GRAMD1B: variants seen among roughly 807,000 people sequenced by gnomAD.
The protein encoded by GRAMD1B is protein Aster-B.
GRAMD1B carries 37 observed loss-of-function variants against 99.7 expected under a neutral mutation model. That is an observed-to-expected ratio of 0.37 (90% CI 0.29 to 0.49). GRAMD1B has a LOEUF of 0.49. Ranked by LOEUF, GRAMD1B falls within the 20% of genes least tolerant of loss-of-function variation. The pLI, the probability that GRAMD1B is intolerant of heterozygous loss-of-function variation, is 0.98. For missense variants in GRAMD1B, 888 were observed against 1,009.2 expected (o/e 0.88, Z 1.63); for synonymous variants, 427 against 387.6 (o/e 1.10, Z -1.19).
chr11:123,503,786 A>T (rs182372068), intron 2 of GRAMD1B, among the ~76,000 whole-genome samples: 16 of 152,268 alleles, frequency 1.1e-4, no homozygotes, highest in Admixed American at 3.9e-4. Flanking sequence ...ACCTCAGGTG[A>T]TCTGCCCTCC....
rs570800008 is a variant in GRAMD1B, at chr11:123,598,322, A to G, written c.970-2146A>G. 1.9e-5 allele frequency: 23 copies of G among 1,219,002 alleles called. No individual in the cohort carries two copies. In the East Asian group the frequency reaches 4.9e-4, roughly 26 times the overall value. The allele number at this position is 1,219,002 out of a possible 1,614,324, so 75.5% of individuals were successfully genotyped here. Reference sequence around the variant, plus strand: ...CAAGTGGCAGGTTTTTGGGGTTGTAAATGATCTCGTTCTCTTCATCTTCAC... The same window carrying G: ...CAAGTGGCAGGTTTTTGGGGTTGTAGATGATCTCGTTCTCTTCATCTTCAC... On this transcript the variant is annotated intron_variant, in intron 7 of 19. Coordinates refer to ENST00000635736, the MANE Select transcript of GRAMD1B (RefSeq NM_001387025.1).
intron 2 of GRAMD1B, among the ~76,000 whole-genome samples, chr11:123,533,301 T>C (rs1377494022): frequency 6.6e-6 from 1 of 152,104 alleles, no homozygotes; most frequent in African/African-American, 2.4e-5. Flanking sequence ...TATTCTTTGG[T>C]TTGTGTTTGC....
At chr11:123,619,009 C>A in intron 18 of GRAMD1B, 98 bp from the exon 19 acceptor site, 1 of 733,844 alleles carries the variant, frequency 1.4e-6, no homozygotes, top group Non-Finnish European at 2.3e-6. Flanking sequence ...GGACAAAGCA[C>A]TCTGATGTGA....
intron 2 of GRAMD1B, among the ~76,000 whole-genome samples, chr11:123,533,210 A>G (rs1565339284): frequency 1.3e-5 from 2 of 152,038 alleles, no homozygotes; most frequent in African/African-American, 4.8e-5. Context: ...AACTCAGGTG[A>G]TCTGCCCGCC....
At chr11:123,609,072 C>T (rs546800100) in intron 12 of GRAMD1B, among the ~76,000 whole-genome samples, 1 of 152,220 alleles carries the variant, frequency 6.6e-6, no homozygotes, top group African/African-American at 2.4e-5. Context: ...CTACCCTGTC[C>T]CTCCCCTCAC....
chr11:123,373,312 AC>A (rs1946588994), intron 1 of GRAMD1B, among the ~76,000 whole-genome samples: 1 of 151,808 alleles, frequency 6.6e-6, no homozygotes, highest in African/African-American at 2.4e-5. Context: ...TTTAGATAGC[AC>A]GGGCACTGGT....
upstream of GRAMD1B, among the ~76,000 whole-genome samples, chr11:123,425,886 C>G (rs1476043544): frequency 6.6e-5 from 10 of 152,160 alleles, no homozygotes; most frequent in Admixed American, 6.5e-4. Context: ...AGGGAGGACT[C>G]GTGAAAGAAA....
chr11:123,424,829 C>T (rs967392744), intron 1 of GRAMD1B, among the ~76,000 whole-genome samples: 1 of 152,182 alleles, frequency 6.6e-6, no homozygotes, highest in Non-Finnish European at 1.5e-5. Context: ...CTCCAATGCA[C>T]CATGTGTATC....
At chr11:123,404,767 T>C (rs1216257960) in intron 1 of GRAMD1B, among the ~76,000 whole-genome samples, 1 of 152,264 alleles carries the variant, frequency 6.6e-6, no homozygotes, top group Non-Finnish European at 1.5e-5. Flanking sequence ...TGGCCTTCAC[T>C]GCGCAGCCTT....
intron 2 of GRAMD1B, among the ~76,000 whole-genome samples, chr11:123,553,066 C>G (rs1945786664): frequency 6.6e-6 from 1 of 152,176 alleles, no homozygotes; most frequent in Admixed American, 6.5e-5. Context: ...GGAGATCCTT[C>G]AAAAGCTCTG....
At chr11:123,446,087 C>T (rs762480620) in intron 1 of GRAMD1B, among the ~76,000 whole-genome samples, 2 of 152,176 alleles carry the variant, frequency 1.3e-5, no homozygotes, top group Non-Finnish European at 2.9e-5. Context: ...CTGTTGCTTC[C>T]AGATTCCGAG....
intron 19 of GRAMD1B, among the ~76,000 whole-genome samples, chr11:123,622,197 A>T (rs1955217156): frequency 6.6e-6 from 1 of 151,880 alleles, no homozygotes; most frequent in Non-Finnish European, 1.5e-5. Context: ...TAATTTTTAA[A>T]TTTTTTATAG....
At chr11:123,485,403 G>A (rs1374617635) in intron 2 of GRAMD1B, among the ~76,000 whole-genome samples, 1 of 152,124 alleles carries the variant, frequency 6.6e-6, no homozygotes, top group Admixed American at 6.5e-5. Flanking sequence ...AGCAGTGGGT[G>A]GAATACCTTA....
At chr11:123,617,927 C>T (rs553906364) in intron 17 of GRAMD1B, among the ~76,000 whole-genome samples, 3 of 152,274 alleles carry the variant, frequency 2.0e-5, no homozygotes, top group Admixed American at 2.0e-4. Context: ...CTGACCCAGA[C>T]TCTGGGAAAC....
At chr11:123,400,279 C>T (rs1424178374) in intron 1 of GRAMD1B, among the ~76,000 whole-genome samples, 1 of 152,058 alleles carries the variant, frequency 6.6e-6, no homozygotes, top group Non-Finnish European at 1.5e-5. Context: ...GAGTTCAAGA[C>T]CAGCCTGACC....
At chr11:123,422,376 C>T (rs1436228169) in intron 1 of GRAMD1B, among the ~76,000 whole-genome samples, 1 of 152,176 alleles carries the variant, frequency 6.6e-6, no homozygotes, top group Non-Finnish European at 1.5e-5. Context: ...AGATAAACCT[C>T]TCAAGGTACA....
intron 1 of GRAMD1B, among the ~76,000 whole-genome samples, chr11:123,444,416 T>G (rs2134295280): frequency 6.6e-6 from 1 of 151,954 alleles, no homozygotes; most frequent in Non-Finnish European, 1.5e-5. Context: ...CACTTGAGCC[T>G]GGGAGGTTAA....
In GRAMD1B at chr11:123,608,683, A is replaced by T. The variant is rs2136916365; in HGVS notation, c.1538A>T (p.Asp513Val). Residue 513 changes from aspartate to valine, a missense_variant, in exon 12 of 20, where the codon GAC becomes GTC. Physicochemically the swap from Asp to Val is radical, Grantham distance 152. Around this residue, in one of 5 missense-constraint regions of GRAMD1B, gnomAD observed 269 missense variants for 296.6 expected, o/e 0.91. Coordinates refer to ENST00000635736, the MANE Select transcript of GRAMD1B (RefSeq NM_001387025.1). ...GGAGAGGTCCAGGCCTTCTATGAGGACCTGAGTGGCCGGCAGTACGTGAAT... is the reference window on the plus strand; with the variant it reads ...GGAGAGGTCCAGGCCTTCTATGAGGTCCTGAGTGGCCGGCAGTACGTGAAT... ...DEGEVQAFYE[D>V]LSGRQYVNEV... The T allele has an allele frequency of 6.4e-7, 1 of 1,573,388 alleles. No individual in the cohort carries two copies. The highest frequency in any genetic ancestry group is 8.6e-7 in the Non-Finnish European group (1 of 1,158,222).
chr11:123,412,352 A>G (rs1177613365), intron 1 of GRAMD1B, among the ~76,000 whole-genome samples: 1 of 152,248 alleles, frequency 6.6e-6, no homozygotes, highest in African/African-American at 2.4e-5. Flanking sequence ...ATCATGTGCA[A>G]GGCACTGTAC....
Sources: allele counts gnomAD v4.1 joint callset (sites outside exome capture counted in the v4.1 genomes callset), GRCh38; gene constraint gnomAD v4.1.1; regional missense constraint gnomAD v4.1.1; transcripts MANE v1.5; gene names NCBI Gene and HGNC (gene_info 2026-07-23, HGNC 2026-07-21).